The following PRKN variants were observed in gnomAD, a reference collection of about 807,000 sequenced individuals.
PRKN encodes the protein E3 ubiquitin-protein ligase parkin.
A neutral mutation model predicts 59.5 loss-of-function variants in PRKN; 56 were observed. The observed-to-expected ratio is 0.94, with a 90% CI of 0.76 to 1.18. The LOEUF (loss-of-function observed/expected upper bound fraction) is 1.18. Among genes scored for constraint, PRKN ranks in the 50% most tolerant of loss-of-function variants. The probability of loss-of-function intolerance (pLI) is 0.00; values close to 1 mark genes in which losing one functional copy is unlikely to be tolerated. For missense variants in PRKN, 657 were observed against 596.4 expected, an observed-to-expected ratio of 1.10 and a Z score of -1.06; for synonymous variants, 250 against 222.1, an observed-to-expected ratio of 1.13 and a Z score of -1.12.
intron 2 of PRKN, among the ~76,000 whole-genome samples, chr6:162,384,015 G>C (rs1341891351): frequency 6.6e-6 from 1 of 152,170 alleles, no homozygotes; most frequent in African/African-American, 2.4e-5. Flanking sequence ...GTCTGAATCA[G>C]GTCTTGGCTC....
In PRKN at chr6:162,259,254, G is replaced by A. The variant is rs147622396; in HGVS notation, c.412+3271C>T. Among the ~76,000 whole-genome samples, 85 of 152,268 alleles carry A rather than the reference G, an allele frequency of 5.6e-4. No individual in the cohort carries two copies. In the East Asian group the frequency reaches 0.011, roughly 19 times the overall value. ...TGGCTTGGTGTGTTCACCTCTCACC[G>A]ACCTGCCTCTGTTCTCCCACCCAGC... On this transcript the variant is annotated intron_variant, in intron 3 of 11. Coordinates refer to ENST00000366898, the MANE Select transcript of PRKN (RefSeq NM_004562.3).
At chr6:162,385,858 T>A (rs1167725970) in intron 2 of PRKN, among the ~76,000 whole-genome samples, 2 of 152,092 alleles carry the variant, frequency 1.3e-5, no homozygotes, top group African/African-American at 2.4e-5. Context: ...TCAGTTCGGT[T>A]TTTTCCCTAA....
intron 1 of PRKN, among the ~76,000 whole-genome samples, chr6:162,597,198 T>C (rs990970516): frequency 1.3e-5 from 2 of 152,234 alleles, no homozygotes; most frequent in African/African-American, 4.8e-5. Context: ...TATATTTATA[T>C]GAAATGTACG....
chr6:162,499,057 C>T (rs1793235771), intron 1 of PRKN, among the ~76,000 whole-genome samples: 1 of 152,158 alleles, frequency 6.6e-6, no homozygotes. Flanking sequence ...ACTTCAGTGG[C>T]TCCCTGTTGT....
At chr6:161,411,144 C>T (rs568227659) in intron 9 of PRKN, among the ~76,000 whole-genome samples, 41 of 152,196 alleles carry the variant, frequency 2.7e-4, no homozygotes, top group South Asian at 1.2e-3. Context: ...CTCATGAGAC[C>T]CTGGAGGCTC....
At chr6:162,492,956 C>CAAAAAAAAAAAAAAAAAAAAA in intron 1 of PRKN, among the ~76,000 whole-genome samples, 1 of 110,348 alleles carries the variant, frequency 9.1e-6, no homozygotes, top group Non-Finnish European at 1.8e-5. Context: ...TTGTCTCAAA[C>CAAAAAAAAAAAAAAAAAAAAA]AAAAAAAAAA....
rs151189289 is a variant in PRKN, at chr6:162,347,936, G to A, written c.172-85171C>T. Among the ~76,000 whole-genome samples the A allele has an allele frequency of 4.6e-3, 694 of 152,252 alleles. 4 individuals are homozygous for A. Among genetic ancestry groups the A allele is most frequent in the Non-Finnish European group, 6.3e-3 (431 of 68,018 alleles). On this transcript the variant is annotated intron_variant, in intron 2 of 11. Transcript: ENST00000366898. ...CTGCCTTGAGAGCGTTTCCAGGCTG[G>A]GGCCTAAGGCTAAAGTGAGGAGATA...
rs561956999 is a variant in PRKN, at chr6:161,807,373, G to C, written c.735-21465C>G. Reference sequence around the variant, plus strand: ...CATATACACAAACACATGCATACACGCACAGAGCTACATGGACACACACAG... The same window carrying C: ...CATATACACAAACACATGCATACACCCACAGAGCTACATGGACACACACAG... On this transcript the variant is annotated intron_variant, in intron 6 of 11. Transcript: ENST00000366898. Among the ~76,000 whole-genome samples the C allele has an allele frequency of 4.6e-5, 7 of 151,964 alleles. No individual in the cohort carries two copies. The East Asian group carries it at 1.4e-3, about 29-fold the overall frequency.
chr6:161,771,363 A>AG (rs1025933312), intron 7 of PRKN, among the ~76,000 whole-genome samples: 1 of 91,170 alleles, frequency 1.1e-5, no homozygotes, highest in African/African-American at 4.1e-5. Flanking sequence ...CTCAAAAAAA[A>AG]AAAAAAAATA....
intron 6 of PRKN, among the ~76,000 whole-genome samples, chr6:161,849,435 T>G (rs569462051): frequency 5.9e-5 from 9 of 152,222 alleles, no homozygotes; most frequent in Non-Finnish European, 1.2e-4. Flanking sequence ...TATTCCATTT[T>G]TTGTACTCAT....
At chr6:161,735,298 C>T (rs1460117324) in intron 7 of PRKN, among the ~76,000 whole-genome samples, 1 of 152,094 alleles carries the variant, frequency 6.6e-6, no homozygotes, top group Admixed American at 6.5e-5. Context: ...TCCTCCTCAG[C>T]CTACCCAACA....
At position 162,224,650 on chromosome 6, in the gene PRKN, G is replaced by A. The variant is rs144543226; in HGVS notation, c.413-23398C>T. Among the ~76,000 whole-genome samples, 96 of 152,298 alleles carry A rather than the reference G, an allele frequency of 6.3e-4. 1 individual carries two copies. The East Asian group carries it at 0.018, about 29-fold the overall frequency. On this transcript the variant is annotated intron_variant, in intron 3 of 11. Transcript: ENST00000366898. ...ATCAAAGGGAATTAACAGAGAGGCT[G>A]CAGGCCTTCTGGAAGGAATCTATCT... is the stretch of plus-strand genomic sequence containing the variant.
rs563280902 is a variant in PRKN at position 161,497,638 on chromosome 6, T to C, written c.1083+51216A>G. Among the ~76,000 whole-genome samples, 2 of 152,008 alleles carry C rather than the reference T, an allele frequency of 1.3e-5. No homozygotes were observed. Among genetic ancestry groups the C allele is most frequent in the East Asian group, 3.9e-4 (2 of 5,160 alleles). ...AGACTGAATACTTTGCACCACAAAG[T>C]ATTTTCAGCTGCTCTTCTCGCTCCT... On this transcript the variant is annotated intron_variant, in intron 9 of 11. Transcript: ENST00000366898. This position sits in a 1 kb window ranked among gnomAD's most constrained non-coding sequence, Gnocchi z 4.6.
chr6:161,924,676 C>A (rs980961629), intron 6 of PRKN, among the ~76,000 whole-genome samples: 9 of 152,178 alleles, frequency 5.9e-5, no homozygotes, highest in African/African-American at 2.2e-4. Context: ...AACACCCATT[C>A]CCCACTGCCC....
intron 6 of PRKN, among the ~76,000 whole-genome samples, chr6:161,897,952 G>A (rs1459523479): frequency 7.2e-5 from 3 of 41,810 alleles, no homozygotes; most frequent in East Asian, 4.2e-4. Flanking sequence ...GGGTGACAGA[G>A]CGAGACTCCG....
chr6:162,021,438 A>AAT lies in PRKN; in HGVS notation c.618+32651_618+32652dup, dbSNP rs1193427302. ...TTTTTGATGTCCCGGCATTACAGGG[A>AAT]ATATATATATATATATATATATATT... On this transcript the variant is annotated intron_variant, in intron 5 of 11. Coordinates refer to ENST00000366898, the MANE Select transcript of PRKN (RefSeq NM_004562.3). 1.1e-3 allele frequency among the ~76,000 whole-genome samples: 129 copies of AAT among 120,780 alleles called. 1 individual carries two copies. Among genetic ancestry groups the AAT allele is most frequent in the South Asian group, 2.6e-3 (10 of 3,776 alleles). The allele number at this position is 120,780 out of a possible 152,430, so 79.2% of individuals were successfully genotyped here. A position where few individuals can be genotyped will look rare whatever the true frequency, so the allele number is the denominator to read the frequency against.
chr6:162,314,644 AAC>A (rs1321536140), intron 2 of PRKN, among the ~76,000 whole-genome samples: 1 of 152,116 alleles, frequency 6.6e-6, no homozygotes, highest in Non-Finnish European at 1.5e-5. Context: ...TTAGTGTGTT[AAC>A]ACCCCTAGTA....
intron 7 of PRKN, among the ~76,000 whole-genome samples, chr6:161,650,259 T>G (rs1029486097): frequency 2.6e-5 from 4 of 152,196 alleles, no homozygotes; most frequent in Non-Finnish European, 5.9e-5. Flanking sequence ...CTTTATGAGT[T>G]TGTACAGGGA....
intron 1 of PRKN, among the ~76,000 whole-genome samples, chr6:162,501,250 G>T (rs1192405610): frequency 6.6e-6 from 1 of 152,116 alleles, no homozygotes; most frequent in Non-Finnish European, 1.5e-5. Flanking sequence ...ATCAGTGAGG[G>T]TTGATGGGGA....
Sources: gnomAD v4.1 joint callset for allele counts (sites outside exome capture counted in the v4.1 genomes callset) on GRCh38, gnomAD v4.1.1 for gene constraint, Gnocchi (gnomAD v3.1) non-coding constraint, MANE v1.5 for transcripts, NCBI Gene and HGNC (gene_info 2026-07-23, HGNC 2026-07-21) for gene names.